Variants in MICOS10 observed in about 807,000 individuals in gnomAD.
MICOS10 encodes the protein mitochondrial contact site and cristae organizing system subunit 10, also known as MICOS complex subunit MIC10.
Under a neutral mutation model 13.4 loss-of-function variants are expected in MICOS10, and 5 were observed. The observed-to-expected ratio is 0.37, with a 90% confidence interval of 0.20 to 0.78. MICOS10 has a LOEUF of 0.78. Among genes scored for constraint, MICOS10 ranks in the 30% least tolerant of loss-of-function variants. The probability of loss-of-function intolerance (pLI) is 0.47; values close to 1 mark genes in which losing one functional copy is unlikely to be tolerated. For missense variants in MICOS10, 101 were observed against 94.6 expected, an observed-to-expected ratio of 1.07 and a Z score of -0.28; for synonymous variants, 35 against 33.6, an observed-to-expected ratio of 1.04 and a Z score of -0.15.
intron 1 of MICOS10, among the ~76,000 whole-genome samples, chr1:19,610,574 A>C (rs1245771080): frequency 5.9e-5 from 9 of 151,572 alleles, no homozygotes; most frequent in Admixed American, 3.9e-4. Context: ...ACTGAGAGAC[A>C]AGGTATATTT....
intron 3 of MICOS10, among the ~76,000 whole-genome samples, chr1:19,624,380 G>A (rs888169673): frequency 1.3e-5 from 2 of 151,898 alleles, no homozygotes; most frequent in Admixed American, 6.6e-5. Context: ...TCTGCCTCCC[G>A]GGTTCAAGCG....
Position 19,627,275 on chromosome 1 carries a change from C to T in MICOS10, c.*874C>T, listed in dbSNP as rs2094925063. The T allele has an allele frequency of 6.6e-6, 1 of 152,146 alleles. No individual in the cohort carries two copies. The highest frequency in any genetic ancestry group is 2.1e-4 in the South Asian group (1 of 4,820). 9.4% of individuals were successfully genotyped at this position (152,146 alleles called of 1,614,324 possible). On this transcript the variant is annotated 3_prime_UTR_variant, in exon 4 of 4. Transcript: ENST00000322753. Reference sequence around the variant, plus strand: ...ATTTCTTCAGACGATATACAGAACCCCAGCGCTCAGCCGTTCTTATTTCTT... The same window carrying T: ...ATTTCTTCAGACGATATACAGAACCTCAGCGCTCAGCCGTTCTTATTTCTT...
intron 1 of MICOS10, among the ~76,000 whole-genome samples, chr1:19,604,982 A>G (rs1477170838): frequency 6.6e-6 from 1 of 152,220 alleles, no homozygotes; most frequent in Non-Finnish European, 1.5e-5. Flanking sequence ...ACCGCATGCC[A>G]GGCACGGTGC....
intron 1 of MICOS10, among the ~76,000 whole-genome samples, chr1:19,619,751 C>T (rs2094896703): frequency 6.6e-6 from 1 of 152,218 alleles, no homozygotes; most frequent in Non-Finnish European, 1.5e-5. Flanking sequence ...CATTAAATTG[C>T]ATGGTTAGAT....
chr1:19,597,767 G>C (rs2094798485), intron 1 of MICOS10: 1 of 152,246 alleles, frequency 6.6e-6, no homozygotes, highest in African/African-American at 2.4e-5. Flanking sequence ...TGTATGGTGG[G>C]GAGGAGAAAG....
chr1:19,616,317 T>C (rs1197979781), intron 1 of MICOS10, among the ~76,000 whole-genome samples: 1 of 152,232 alleles, frequency 6.6e-6, no homozygotes, highest in East Asian at 1.9e-4. Context: ...TTCTTATATT[T>C]AATTTCACAA....
Position 19,626,379 on chromosome 1 carries a change from C to T in MICOS10, c.223-8C>T. ...CACAGTTTTAAGCTGAATGTCCTTGCTTTACAGGAGCAGGAGCAGTGACTT... is the reference window on the plus strand; with the variant it reads ...CACAGTTTTAAGCTGAATGTCCTTGTTTTACAGGAGCAGGAGCAGTGACTT... On this transcript the variant is annotated splice_polypyrimidine_tract_variant and splice_region_variant and intron_variant, in intron 3 of 3. Coordinates refer to ENST00000322753, the MANE Select transcript of MICOS10 (RefSeq NM_001032363.4). 3 of 1,613,926 alleles carry T rather than the reference C, an allele frequency of 1.9e-6. No homozygotes were observed.
intron 1 of MICOS10, among the ~76,000 whole-genome samples, chr1:19,600,306 TGAGA>T (rs796106654): frequency 6.6e-6 from 1 of 151,066 alleles, no homozygotes; most frequent in East Asian, 1.9e-4. Flanking sequence ...GGTGATGGGC[TGAGA>T]GAGAGGGCGG....
At chr1:19,610,594 C>T (rs921973974) in intron 1 of MICOS10, among the ~76,000 whole-genome samples, 6 of 151,470 alleles carry the variant, frequency 4.0e-5, no homozygotes, top group African/African-American at 4.8e-5. Flanking sequence ...TGGGAGGAGT[C>T]GAAATCTAGT....
At chr1:19,608,994 CTTTTTTTTTT>C (rs5772856) in intron 1 of MICOS10, among the ~76,000 whole-genome samples, 2 of 60,598 alleles carry the variant, frequency 3.3e-5, no homozygotes, top group East Asian at 4.3e-4. Flanking sequence ...CTTTTCCCAG[CTTTTTTTTTT>C]TTTTTTTTTT....
At chr1:19,601,539 T>C (rs2094814774) in intron 1 of MICOS10, among the ~76,000 whole-genome samples, 1 of 143,480 alleles carries the variant, frequency 7.0e-6, no homozygotes, top group Non-Finnish European at 1.5e-5. Flanking sequence ...ATCGCACCAC[T>C]GCACTCCAGC....
At position 19,596,999 on chromosome 1, in the gene MICOS10, A is replaced by C; in HGVS notation, c.-47A>C. 9 of 1,554,844 alleles carry C rather than the reference A, an allele frequency of 5.8e-6. No homozygotes were observed. The highest frequency in any genetic ancestry group is 7.8e-6 in the Non-Finnish European group (9 of 1,154,270). On this transcript the variant is annotated 5_prime_UTR_variant, in exon 1 of 4. Coordinates refer to ENST00000322753, the MANE Select transcript of MICOS10 (RefSeq NM_001032363.4). ...CTCTCGCGAGACTTTCAGGGGTCGG[A>C]GCGCGGGGGCCGGCCGAGAGGAAAG... is the stretch of plus-strand genomic sequence containing the variant.
chr1:19,621,845 T>C (rs1369761123), intron 1 of MICOS10, among the ~76,000 whole-genome samples: 1 of 152,150 alleles, frequency 6.6e-6, no homozygotes, highest in Non-Finnish European at 1.5e-5. Context: ...GTCTCCTGGC[T>C]TGTTCCCCTG....
At chr1:19,608,579 T>A (rs761465849) in intron 1 of MICOS10, 2 of 814,366 alleles carry the variant, frequency 2.5e-6, no homozygotes, top group South Asian at 2.8e-5. Flanking sequence ...ACAAGATTCC[T>A]CAAAATATTT....
intron 1 of MICOS10, chr1:19,614,641 T>C (rs1375244424): frequency 1.3e-5 from 2 of 152,332 alleles, no homozygotes; most frequent in Non-Finnish European, 1.5e-5. Flanking sequence ...TAATCAATTG[T>C]TAAGTCCTGT....
At chr1:19,603,271 A>C (rs905494226) in intron 1 of MICOS10, among the ~76,000 whole-genome samples, 3 of 152,196 alleles carry the variant, frequency 2.0e-5, no homozygotes, top group Admixed American at 6.5e-5. Context: ...TAGAGGTTGC[A>C]GTGAGCCAAT....
intron 1 of MICOS10, among the ~76,000 whole-genome samples, chr1:19,615,508 G>A (rs7518758): frequency 0.07 from 10,581 of 152,168 alleles, 1,208 homozygotes; most frequent in African/African-American, 0.24. Context: ...ATTCACAATC[G>A]TTTTAACCTG....
At chr1:19,601,778 A>G (rs929287451) in intron 1 of MICOS10, among the ~76,000 whole-genome samples, 1 of 152,172 alleles carries the variant, frequency 6.6e-6, no homozygotes, top group African/African-American at 2.4e-5. Context: ...TTCTCTTGGA[A>G]GGGAGCTCTG....
chr1:19,626,174 G>A (rs910993134), intron 3 of MICOS10, among the ~76,000 whole-genome samples: 2 of 152,120 alleles, frequency 1.3e-5, no homozygotes, highest in African/African-American at 4.8e-5. Flanking sequence ...TGTTCCACTC[G>A]TTTCCCACTC....
Sources: gnomAD v4.1 joint callset for allele counts (sites outside exome capture counted in the v4.1 genomes callset) on GRCh38, gnomAD v4.1.1 for gene constraint, MANE v1.5 for transcripts, NCBI Gene and HGNC (gene_info 2026-07-23, HGNC 2026-07-21) for gene names.